DMD: variants seen among roughly 807,000 people sequenced by gnomAD.
The protein encoded by DMD is dystrophin.
A neutral mutation model predicts 330.1 loss-of-function variants in DMD; 63 were observed. The observed-to-expected ratio is 0.19, with a 90% CI of 0.16 to 0.24. DMD has a LOEUF of 0.24. Ranked by LOEUF, DMD falls within the 10% of genes least tolerant of loss-of-function variation. The pLI is 1.00. For missense variants in DMD, 3,344 were observed against 2,684.1 expected, an observed-to-expected ratio of 1.25 and a Z score of -5.43; for synonymous variants, 1,223 against 959.8, an observed-to-expected ratio of 1.27 and a Z score of -5.07.
intron 3 of DMD, among the ~76,000 whole-genome samples, chrX:32,845,695 A>G (rs2080590952): frequency 8.9e-6 from 1 of 111,800 alleles, no homozygotes; most frequent in Non-Finnish European, 1.9e-5. Flanking sequence ...TTGGGTGATT[A>G]TAGGTAACAG....
In DMD at chrX:31,120,113, G is replaced by GCCCACTCTCCAA. The variant is rs1444107762; in HGVS notation, c.*1805_*1806insTTGGAGAGTGGG. ...CAAAAGCTAATTACACTTGATGTCA[G>GCCCACTCTCCAA]AGGTAACAGATTTGCAAAATTATAG... is the stretch of plus-strand genomic sequence containing the variant. On this transcript the variant is annotated 3_prime_UTR_variant, in exon 79 of 79. Transcript: ENST00000357033. The GCCCACTCTCCAA allele has an allele frequency of 8.9e-6, 1 of 111,759 alleles. No individual in the cohort carries two copies. The highest frequency in any genetic ancestry group is 1.9e-5 in the Non-Finnish European group (1 of 53,049). The allele number at this position is 111,759 out of a possible 1,213,427, so 9.2% of individuals were successfully genotyped here.
chrX:32,062,710 G>A lies in DMD; in HGVS notation c.6439-94196C>T, dbSNP rs1008796443. 3.6e-5 allele frequency among the ~76,000 whole-genome samples: 4 copies of A among 111,311 alleles called. No homozygotes were observed. In the South Asian group the frequency reaches 1.5e-3, roughly 41 times the overall value. ...TTTTAAAACAAGCAGCTTGCCATAT[G>A]AAGAATTCATACTAGTCTTTTTGGA... On this transcript the variant is annotated intron_variant, in intron 44 of 78. Transcript: ENST00000357033.
In DMD at chrX:32,342,265, C is replaced by A. The variant is rs2148813593; in HGVS notation, c.5757G>T (p.Leu1919Phe). Reference sequence around the variant, plus strand: ...CATTCAGCTCCTCTTTCTTCTTCTGCAATTCCCGATCAATTTCCTATTGAG... The same window carrying A: ...CATTCAGCTCCTCTTTCTTCTTCTGAAATTCCCGATCAATTTCCTATTGAG... ...ERKIKEIDRELQKKKEELNAV... is the reference protein window; with the variant it reads ...ERKIKEIDREFQKKKEELNAV... Residue 1919 changes from leucine to phenylalanine, a missense_variant, in exon 41 of 79, where the codon TTG becomes TTT. Transcript: ENST00000357033. 1.7e-6 allele frequency: 2 copies of A among 1,211,409 alleles called. No individual in the cohort carries two copies. Among genetic ancestry groups the A allele is most frequent in the Middle Eastern group, 2.3e-4 (1 of 4,350 alleles).
chrX:31,857,062 T>C (rs1417970767), intron 48 of DMD, among the ~76,000 whole-genome samples: 1 of 111,241 alleles, frequency 9.0e-6, no homozygotes, highest in Admixed American at 9.6e-5. Flanking sequence ...TTCTTAATGC[T>C]TACCAAAATT....
At chrX:32,196,350 G>C (rs183761674) in intron 44 of DMD, among the ~76,000 whole-genome samples, 2 of 111,905 alleles carry the variant, frequency 1.8e-5, no homozygotes, top group African/African-American at 6.5e-5. Flanking sequence ...AGAAAACCAG[G>C]CTCCAGATAT....
At chrX:31,932,942 T>C (rs186870543) in intron 45 of DMD, among the ~76,000 whole-genome samples, 2 of 111,620 alleles carry the variant, frequency 1.8e-5, no homozygotes, top group Admixed American at 9.5e-5. Flanking sequence ...GCAGTATCCC[T>C]GGCCTGTTGA....
chrX:32,626,972 G>T (rs1214608808), intron 11 of DMD, among the ~76,000 whole-genome samples: 2 of 105,156 alleles, frequency 1.9e-5, no homozygotes, highest in East Asian at 5.6e-4. Context: ...ATATAAAAAG[G>T]TACTAATTGA....
intron 29 of DMD, among the ~76,000 whole-genome samples, chrX:32,435,042 G>T (rs1168938017): frequency 9.2e-6 from 1 of 108,500 alleles, no homozygotes; most frequent in Non-Finnish European, 1.9e-5. Context: ...TTAACACTCT[G>T]CTTAATCATT....
chrX:32,637,831 C>A (rs921086276), intron 11 of DMD, among the ~76,000 whole-genome samples: 2 of 111,828 alleles, frequency 1.8e-5, no homozygotes, highest in Non-Finnish European at 3.8e-5. Flanking sequence ...TTACCTTCCA[C>A]CAGGTCCCTC....
At chrX:31,581,851 A>G (rs894678112) in intron 55 of DMD, among the ~76,000 whole-genome samples, 16 of 112,092 alleles carry the variant, frequency 1.4e-4, no homozygotes, top group East Asian at 5.6e-4. Context: ...CTGGGTATAC[A>G]GATGTTGACC....
intron 44 of DMD, among the ~76,000 whole-genome samples, chrX:32,166,679 T>C (rs556745492): frequency 9.0e-6 from 1 of 111,480 alleles, no homozygotes; most frequent in Non-Finnish European, 1.9e-5. Flanking sequence ...TGGCACACAA[T>C]AGTCACTCTA....
chrX:31,177,859 A>T, intron 71 of DMD, 73 bp downstream of exon 71: 1 of 918,861 alleles, frequency 1.1e-6, no homozygotes, highest in Non-Finnish European at 1.6e-6. Context: ...CAAACAAATA[A>T]ACAGAACAAA....
At chrX:31,998,764 A>G (rs1250450000) in intron 44 of DMD, among the ~76,000 whole-genome samples, 2 of 112,274 alleles carry the variant, frequency 1.8e-5, no homozygotes, top group African/African-American at 6.5e-5. Context: ...TTCCAACTTC[A>G]TAAAAATTGT....
chrX:32,186,449 CA>C (rs780064687), intron 44 of DMD, among the ~76,000 whole-genome samples: 7 of 111,291 alleles, frequency 6.3e-5, no homozygotes, highest in Admixed American at 3.8e-4. Context: ...AGATAAAGAT[CA>C]ACAATTAACT....
intron 1 of DMD, among the ~76,000 whole-genome samples, chrX:33,049,309 G>A (rs1391738821): frequency 1.8e-5 from 2 of 111,434 alleles, no homozygotes; most frequent in African/African-American, 3.3e-5. Flanking sequence ...CTCAATTGAC[G>A]TCACATACTT....
chrX:31,529,895 T>TG (rs1207213066), intron 55 of DMD, among the ~76,000 whole-genome samples: 1 of 90,799 alleles, frequency 1.1e-5, no homozygotes, highest in Non-Finnish European at 2.1e-5. Flanking sequence ...GAAAGATTTC[T>TG]TTAAAAAAAA....
Position 32,704,197 on chromosome X carries a change from A to T in DMD, c.650-4904T>A, listed in dbSNP as rs7884794. ...TGAAGGCAAATTCAAAGGCTAGTCA[A>T]AATCAGATTAGAAACCAGTCATTGC... On this transcript the variant is annotated intron_variant, in intron 7 of 78. Transcript: ENST00000357033. 1.9e-3 allele frequency among the ~76,000 whole-genome samples: 209 copies of T among 110,176 alleles called. 2 individuals carry two copies. Among genetic ancestry groups the T allele is most frequent in the African/African-American group, 6.9e-3 (202 of 29,183 alleles).
chrX:31,767,109 G>C lies in DMD; in HGVS notation c.7542+6851C>G, dbSNP rs769408235. On this transcript the variant is annotated intron_variant, in intron 51 of 78. Transcript: ENST00000357033. The stretch of plus-strand genomic sequence containing the variant: ...GTCGCAAGCTGTCTACCAGAGACAT[G>C]TACATTTGTTGGAAGATAATTAAAG... Among the ~76,000 whole-genome samples the C allele has an allele frequency of 3.6e-5, 4 of 111,870 alleles. No individual in the cohort carries two copies. In the South Asian group the frequency reaches 1.5e-3, roughly 42 times the overall value.
chrX:33,031,705 A>G (rs1291388007), intron 1 of DMD, among the ~76,000 whole-genome samples: 1 of 110,875 alleles, frequency 9.0e-6, no homozygotes, highest in East Asian at 2.9e-4. Context: ...TGGGAGGCTG[A>G]GGTTGCAGTG....
Sources: gnomAD v4.1 joint callset for allele counts (sites outside exome capture counted in the v4.1 genomes callset) on GRCh38, gnomAD v4.1.1 for gene constraint, MANE v1.5 for transcripts, NCBI Gene and HGNC (gene_info 2026-07-23, HGNC 2026-07-21) for gene names.